CEP170B: variants seen among roughly 807,000 people sequenced by gnomAD.
CEP170B encodes centrosomal protein 170B, also known as centrosomal protein of 170 kDa protein B.
Under a neutral mutation model 120.6 loss-of-function variants are expected in CEP170B, and 55 were observed. That is an observed-to-expected ratio of 0.46 (90% CI 0.37 to 0.57). The LOEUF (loss-of-function observed/expected upper bound fraction) is 0.57. CEP170B is among the 20% of genes least tolerant of loss of function. The probability of loss-of-function intolerance (pLI) is 0.00; values close to 1 mark genes in which losing one functional copy is unlikely to be tolerated. For missense variants in CEP170B, 2,212 were observed against 2,253.3 expected (o/e 0.98, Z 0.37); for synonymous variants, 1,033 against 954.5 (o/e 1.08, Z -1.52).
Position 104,865,929 on chromosome 14 carries a change from C to A in CEP170B, c.-28+416C>A, listed in dbSNP as rs963829777. On this transcript the variant is annotated intron_variant, in intron 1 of 18. Transcript: ENST00000414716. This position sits in a 1 kb window ranked among gnomAD's most constrained non-coding sequence, Gnocchi z 6.7. ...TCCTCCTCCCCTCTCTCCTCATTTC[C>A]CTTCGCCGCCGTCTCCCCGCTGTCC... Among the ~76,000 whole-genome samples, 3 of 152,176 alleles carry A rather than the reference C, an allele frequency of 2.0e-5. No homozygotes were observed. The highest frequency in any genetic ancestry group is 1.3e-4 in the Admixed American group (2 of 15,276).
intron 6 of CEP170B, among the ~76,000 whole-genome samples, chr14:104,882,371 G>A (rs988936349): frequency 6.6e-6 from 1 of 152,168 alleles, no homozygotes; most frequent in Admixed American, 6.5e-5. Flanking sequence ...GGAAGGCCGG[G>A]GCAGGGTTGC....
intron 10 of CEP170B, 32 bp from the exon 11 acceptor site, chr14:104,886,008 G>A (rs1039046752): frequency 3.2e-5 from 48 of 1,502,684 alleles, no homozygotes; most frequent in South Asian, 1.6e-4. Context: ...TTGGGCTTGC[G>A]TGTGGAAACA....
chr14:104,871,795 TGGA>T (rs1186996414), intron 2 of CEP170B, among the ~76,000 whole-genome samples: 1 of 151,862 alleles, frequency 6.6e-6, no homozygotes, highest in Non-Finnish European at 1.5e-5. Flanking sequence ...GGATGGGACA[TGGA>T]GGGGAGACAA....
chr14:104,874,535 C>T (rs1386910361), intron 2 of CEP170B, among the ~76,000 whole-genome samples: 1 of 152,088 alleles, frequency 6.6e-6, no homozygotes, highest in African/African-American at 2.4e-5. Context: ...GCAGGCAGCT[C>T]AGGGATGGCT....
At position 104,883,384 on chromosome 14, in the gene CEP170B, G is replaced by A. The variant is rs374555618; in HGVS notation, c.927G>A (p.Ser309=). 22 of 1,603,026 alleles carry A rather than the reference G, an allele frequency of 1.4e-5. No homozygotes were observed. The highest frequency in any genetic ancestry group is 3.3e-4 in the Middle Eastern group (2 of 6,072). Reference sequence around the variant, plus strand: ...AGGCCACACCTGGCGAGATGGTGTCGGCTGAGACCAAGGTGGCCGACTGGC... The same window carrying A: ...AGGCCACACCTGGCGAGATGGTGTCAGCTGAGACCAAGGTGGCCGACTGGC... ...GKEATPGEMV[S]AETKVADWLV... Residue 309 remains serine (S), a synonymous_variant, in exon 8 of 19, where the codon TCG becomes TCA. Transcript: ENST00000414716.
chr14:104,877,057 ACT>A (rs111525751), intron 3 of CEP170B, among the ~76,000 whole-genome samples: 19,002 of 151,838 alleles, frequency 0.13, 2,616 homozygotes, highest in African/African-American at 0.34. Flanking sequence ...GTCCTGGGAC[ACT>A]CTATCTTTAC....
In CEP170B at chr14:104,893,733, G is replaced by T. The variant is rs563639840; in HGVS notation, c.4183-28G>T. ...GCAGGGGCGGGGCTCCTCGAGGGCG[G>T]GGCCATGCTGAGGCCGGGCTCTTGC... is the stretch of plus-strand genomic sequence containing the variant. On this transcript the variant is annotated intron_variant, in intron 15 of 18. Transcript: ENST00000414716. 2.5e-6 allele frequency: 4 copies of T among 1,595,548 alleles called. No individual in the cohort carries two copies. In the East Asian group the frequency reaches 9.1e-5, roughly 36 times the overall value.
intron 16 of CEP170B, 199 bp from the exon 17 acceptor site, chr14:104,894,086 G>GC: frequency 1.5e-6 from 1 of 653,024 alleles, no homozygotes; most frequent in East Asian, 2.7e-5. Context: ...CTCATCCCGG[G>GC]CCCAGCCCTC....
rs778650271 is a variant in CEP170B, at chr14:104,882,830, C to T, written c.575C>T (p.Pro192Leu). Residue 192 changes from proline to leucine, a missense_variant and splice_region_variant, in exon 7 of 19, where the codon CCA becomes CTA. Coordinates refer to ENST00000414716, the MANE Select transcript of CEP170B (RefSeq NM_001112726.3). ...PDAQRQGEPY[P>L]ERPKGPVQQD... Reference sequence around the variant, plus strand: ...GCCCAGCGCCAGGGAGAGCCCTACCCAGGTTGGTCTTGGGGCCAGGCTGGT... The same window carrying T: ...GCCCAGCGCCAGGGAGAGCCCTACCTAGGTTGGTCTTGGGGCCAGGCTGGT... 2.2e-5 allele frequency: 36 copies of T among 1,611,262 alleles called. No individual in the cohort carries two copies. In the African/African-American group the frequency reaches 2.3e-4, roughly 10 times the overall value.
chr14:104,893,772 T>A lies in CEP170B; in HGVS notation c.4194T>A (p.Asp1398Glu). The A allele has an allele frequency of 6.2e-7, 1 of 1,610,544 alleles. No individual in the cohort carries two copies. Among genetic ancestry groups the A allele is most frequent in the African/African-American group, 1.3e-5 (1 of 74,994 alleles). ...CCGGGCTCTTGCAGGTGATCTTCGA[T>A]AACCTGATGCTGAACCCGGTGTCCC... is the stretch of plus-strand genomic sequence containing the variant. Reference protein sequence around the residue: ...RPRNREEVIFDNLMLNPVSQL... With the variant: ...RPRNREEVIFENLMLNPVSQL... The change falls in exon 16 of 19, where the codon GAT (aspartate) becomes GAA (glutamate). Residue 1398 changes from aspartate to glutamate, a missense_variant. Coordinates refer to ENST00000414716, the MANE Select transcript of CEP170B (RefSeq NM_001112726.3).
At chr14:104,894,100 A>T in intron 16 of CEP170B, 185 bp from the exon 17 acceptor site, 1 of 653,450 alleles carries the variant, frequency 1.5e-6, no homozygotes, top group Non-Finnish European at 2.7e-6. Flanking sequence ...AGCCCTCCCC[A>T]CCGCCGAGTG....
intron 3 of CEP170B, among the ~76,000 whole-genome samples, chr14:104,876,962 G>A (rs542749237): frequency 5.3e-5 from 8 of 152,356 alleles, no homozygotes; most frequent in South Asian, 2.1e-4. Context: ...GAAGGCTGGA[G>A]GCCCCTCTCT....
In CEP170B at chr14:104,887,757, C is replaced by T; in HGVS notation, c.3518C>T (p.Pro1173Leu). 1 of 1,579,934 alleles carries T rather than the reference C, an allele frequency of 6.3e-7. No individual in the cohort carries two copies. The highest frequency in any genetic ancestry group is 8.6e-7 in the Non-Finnish European group (1 of 1,164,256). Residue 1173 changes from proline to leucine, a missense_variant, in exon 12 of 19, where the codon CCC (proline) becomes CTC (leucine). Around this residue, in one of 2 missense-constraint regions of CEP170B, gnomAD observed 2,166 missense variants for 2,166.7 expected, o/e 1.00. Coordinates refer to ENST00000414716, the MANE Select transcript of CEP170B (RefSeq NM_001112726.3). ...KLSRLDILAM[P>L]RKRAGSFTGT... ...TCACGCCTGGACATCCTGGCCATGC[C>T]CCGGAAGCGGGCCGGCTCCTTCACA...
chr14:104,893,481 G>T, intron 14 of CEP170B, 42 bp from the exon 15 acceptor site: 2 of 1,574,828 alleles, frequency 1.3e-6, no homozygotes, highest in Non-Finnish European at 1.7e-6. Context: ...CCTGGCAGGA[G>T]CCTCTGCCTG....
Position 104,891,154 on chromosome 14 carries a change from G to C in CEP170B, c.3878+1396G>C, listed in dbSNP as rs899921179. ...GGAGGTGAGACCGCCAGTACAAGGA[G>C]GGCCTCCTCAAAGGTTTTCATTAGA... On this transcript the variant is annotated intron_variant, in intron 13 of 18. Coordinates refer to ENST00000414716, the MANE Select transcript of CEP170B (RefSeq NM_001112726.3). The surrounding 1 kb of genome is among the most constrained non-coding windows in gnomAD (Gnocchi z 4.3). Among the ~76,000 whole-genome samples the C allele has an allele frequency of 3.3e-5, 5 of 152,064 alleles. No homozygotes were observed. The highest frequency in any genetic ancestry group is 5.9e-5 in the Non-Finnish European group (4 of 67,990).
At chr14:104,879,589 C>G (rs537701215) in intron 5 of CEP170B, among the ~76,000 whole-genome samples, 1 of 152,134 alleles carries the variant, frequency 6.6e-6, no homozygotes, top group Non-Finnish European at 1.5e-5. Flanking sequence ...GGTGCCCTCT[C>G]GGAGCCCCTC....
In CEP170B at chr14:104,881,021, G is replaced by A. The variant is rs111271469; in HGVS notation, c.472+596G>A. ...GTGGGCCACCAGCTGGGCACCCTCT[G>A]TCCCCAGTGGTGAGAGGCAGGTGAT... On this transcript the variant is annotated intron_variant, in intron 6 of 18. Coordinates refer to ENST00000414716, the MANE Select transcript of CEP170B (RefSeq NM_001112726.3). Among the ~76,000 whole-genome samples, 1,099 of 152,272 alleles carry A rather than the reference G, an allele frequency of 7.2e-3. 16 individuals are homozygous for A. The highest frequency in any genetic ancestry group is 0.024 in the African/African-American group (1,010 of 41,554).
At chr14:104,889,488 G>C (rs1288246327) in intron 12 of CEP170B, 132 bp from the exon 13 acceptor site, 4 of 1,538,070 alleles carry the variant, frequency 2.6e-6, no homozygotes, top group Non-Finnish European at 3.5e-6. Context: ...TTCTGTTCTT[G>C]CTTCTAAAAC....
chr14:104,872,455 T>C (rs1895612186), intron 2 of CEP170B, among the ~76,000 whole-genome samples: 1 of 138,600 alleles, frequency 7.2e-6, no homozygotes, highest in African/African-American at 2.8e-5. Flanking sequence ...GCCATGTGTG[T>C]GCGTGTGGGT....
Sources: gnomAD v4.1 joint callset for allele counts (sites outside exome capture counted in the v4.1 genomes callset) on GRCh38, gnomAD v4.1.1 for gene constraint, gnomAD v4.1.1 regional missense constraint, Gnocchi (gnomAD v3.1) non-coding constraint, MANE v1.5 for transcripts, NCBI Gene and HGNC (gene_info 2026-07-23, HGNC 2026-07-21) for gene names.